LMAN2: variants seen among roughly 807,000 people sequenced by gnomAD.
The protein encoded by LMAN2 is lectin, mannose binding 2.
Under a neutral mutation model 39.3 loss-of-function variants are expected in LMAN2, and 22 were observed. The observed-to-expected ratio is 0.56, with a 90% CI of 0.40 to 0.80. The LOEUF is 0.80. LMAN2 is among the 30% of genes least tolerant of loss of function. The pLI, the probability that LMAN2 is intolerant of heterozygous loss-of-function variation, is 0.00. For missense variants in LMAN2, 494 were observed against 505.4 expected, an observed-to-expected ratio of 0.98 and a Z score of 0.22; for synonymous variants, 207 against 207.8, an observed-to-expected ratio of 1.00 and a Z score of 0.03.
intron 3 of LMAN2, among the ~76,000 whole-genome samples, 199 bp downstream of exon 3, chr5:177,338,289 C>G (rs1287694759): frequency 2.0e-5 from 3 of 152,232 alleles, no homozygotes; most frequent in African/African-American, 7.2e-5. Flanking sequence ...CTGCTCCTCT[C>G]CCCTCAGTGA....
chr5:177,336,061 T>A (rs1374866672), intron 6 of LMAN2, among the ~76,000 whole-genome samples: 1 of 152,086 alleles, frequency 6.6e-6, no homozygotes, highest in Admixed American at 6.5e-5. Flanking sequence ...CCAGAGACAA[T>A]AAAATTAATT....
intron 2 of LMAN2, among the ~76,000 whole-genome samples, chr5:177,343,196 A>G (rs1761583298): frequency 6.6e-6 from 1 of 152,214 alleles, no homozygotes; most frequent in African/African-American, 2.4e-5. Context: ...CAGAGGTTCC[A>G]GCGAGCCGAG....
At position 177,332,032 on chromosome 5, in the gene LMAN2, A is replaced by G. The variant is rs1761392427; in HGVS notation, c.*54T>C. On this transcript the variant is annotated 3_prime_UTR_variant, in exon 8 of 8. Transcript: ENST00000303127. This position sits in a 1 kb window ranked among gnomAD's most constrained non-coding sequence, Gnocchi z 6.3. ...TGTTCTTTTATAATCCCGGTAAAAA[A>G]AAAAGTTCACATTGGCTCCTGGGCC... 1 of 1,520,896 alleles carries G rather than the reference A, an allele frequency of 6.6e-7. No individual in the cohort carries two copies. The highest frequency in any genetic ancestry group is 2.2e-5 in the Admixed American group (1 of 44,716). The allele number at this position is 1,520,896 out of a possible 1,614,324, so 94.2% of individuals were successfully genotyped here.
chr5:177,337,149 G>A lies in LMAN2; in HGVS notation c.777C>T (p.Thr259=), dbSNP rs761841737. The change falls in exon 6 of 8, where the codon ACC becomes ACT. Residue 259 remains threonine, a synonymous_variant. Coordinates refer to ENST00000303127, the MANE Select transcript of LMAN2 (RefSeq NM_006816.3). The surrounding 1 kb of genome is among the most constrained non-coding windows in gnomAD (Gnocchi z 8.2). ...TGYYFGASAG[T]GDLSDNHDII... The stretch of plus-strand genomic sequence containing the variant: ...CGGCCCACTCACCAGACAGGTCGCC[G>A]GTGCCGGCGGAGGCCCCGAAGTAGT... 1.7e-5 allele frequency: 28 copies of A among 1,612,946 alleles called. No individual in the cohort carries two copies. Among genetic ancestry groups the A allele is most frequent in the African/African-American group, 1.6e-4 (12 of 74,946 alleles).
intron 2 of LMAN2, among the ~76,000 whole-genome samples, chr5:177,339,485 G>A (rs1309957720): frequency 6.6e-6 from 1 of 152,256 alleles, no homozygotes; most frequent in African/African-American, 2.4e-5. Context: ...TACGCCAAGG[G>A]AGAAAGCCTT....
At chr5:177,336,068 A>T (rs1305706052) in intron 6 of LMAN2, among the ~76,000 whole-genome samples, 1 of 152,236 alleles carries the variant, frequency 6.6e-6, no homozygotes, top group Non-Finnish European at 1.5e-5. Context: ...CAATAAAATT[A>T]ATTACTCGGT....
chr5:177,347,611 C>CAA (rs1761654601), intron 2 of LMAN2, among the ~76,000 whole-genome samples: 1 of 152,126 alleles, frequency 6.6e-6, no homozygotes, highest in African/African-American at 2.4e-5. Context: ...ATGCCTTGGT[C>CAA]CTACACCAGG....
intron 2 of LMAN2, among the ~76,000 whole-genome samples, chr5:177,343,057 T>A (rs1263943151): frequency 6.6e-6 from 1 of 151,992 alleles, no homozygotes; most frequent in African/African-American, 2.4e-5. Context: ...ATGGAGACCG[T>A]CCTGGCTAAC....
intron 2 of LMAN2, among the ~76,000 whole-genome samples, chr5:177,341,535 A>G (rs1414343614): frequency 6.6e-6 from 1 of 152,218 alleles, no homozygotes; most frequent in Non-Finnish European, 1.5e-5. Flanking sequence ...CCAGCATGGG[A>G]TTCTATACTC....
In LMAN2 at chr5:177,332,661, G is replaced by C. The variant is rs1226536522; in HGVS notation, c.911-415C>G. The stretch of plus-strand genomic sequence containing the variant: ...GCGGCCCTGGTCACAGGCTCTCCCA[G>C]CCCACAGCTGGATGCTCTCGGCAGC... On this transcript the variant is annotated intron_variant, in intron 7 of 7. Coordinates refer to ENST00000303127, the MANE Select transcript of LMAN2 (RefSeq NM_006816.3). The surrounding 1 kb of genome is among the most constrained non-coding windows in gnomAD (Gnocchi z 6.3). Among the ~76,000 whole-genome samples, 1 of 152,122 alleles carries C rather than the reference G, an allele frequency of 6.6e-6. No homozygotes were observed.
chr5:177,337,202 T>C lies in LMAN2; in HGVS notation c.724A>G (p.Ile242Val), dbSNP rs1485548543. Reference protein sequence around the residue: ...DKNEWKNCIDITGVRLPTGYY... With the variant: ...DKNEWKNCIDVTGVRLPTGYY... The stretch of plus-strand genomic sequence containing the variant: ...CCGGTGGGCAGGCGCACTCCCGTGA[T>C]GTCAATGCAGTTCTTCCACTCGTTC... The change falls in exon 6 of 8, where the codon ATC becomes GTC. Residue 242 changes from isoleucine to valine, a missense_variant. By Grantham distance (29) the Ile-to-Val change is conservative. Coordinates refer to ENST00000303127, the MANE Select transcript of LMAN2 (RefSeq NM_006816.3). The surrounding 1 kb of genome is among the most constrained non-coding windows in gnomAD (Gnocchi z 8.2). 2 of 1,613,910 alleles carry C rather than the reference T, an allele frequency of 1.2e-6. No individual in the cohort carries two copies. Among genetic ancestry groups the C allele is most frequent in the African/African-American group, 1.3e-5 (1 of 74,914 alleles).
chr5:177,335,049 G>A (rs1301501459), intron 6 of LMAN2, among the ~76,000 whole-genome samples: 1 of 152,230 alleles, frequency 6.6e-6, no homozygotes, highest in African/African-American at 2.4e-5. Flanking sequence ...CCCAATTGTA[G>A]AGATGAGGAG....
chr5:177,341,361 C>A (rs576934502), intron 2 of LMAN2, among the ~76,000 whole-genome samples: 5 of 151,808 alleles, frequency 3.3e-5, no homozygotes, highest in African/African-American at 1.2e-4. Context: ...CCACCGCGCC[C>A]GGCCATAAAA....
Position 177,351,608 on chromosome 5 carries a change from G to C in LMAN2, c.40C>G (p.Arg14Gly), listed in dbSNP as rs773231554. The C allele has an allele frequency of 6.2e-7, 1 of 1,608,810 alleles. No homozygotes were observed. The highest frequency in any genetic ancestry group is 8.5e-7 in the Non-Finnish European group (1 of 1,178,324). ...EGWIWRWGWG[R>G]RCLGRPGLLG... ...AGCCCAGGCCTTCCCAGGCACCGCC[G>C]GCCCCAGCCCCAACGCCAAATCCAG... Residue 14 changes from arginine (R) to glycine (G), a missense_variant, in exon 1 of 8, where the codon CGG (arginine) becomes GGG (glycine). Arg to Gly is a moderately radical substitution (Grantham distance 125, BLOSUM62 -2). Coordinates refer to ENST00000303127, the MANE Select transcript of LMAN2 (RefSeq NM_006816.3).
At chr5:177,333,892 C>T (rs1489105508) in intron 7 of LMAN2, among the ~76,000 whole-genome samples, 1 of 152,198 alleles carries the variant, frequency 6.6e-6, no homozygotes, top group Non-Finnish European at 1.5e-5. Context: ...ACAGGTGGGC[C>T]AACATACCCA....
intron 1 of LMAN2, 52 bp from the exon 2 acceptor site, chr5:177,351,343 A>T (rs920064714): frequency 3.1e-6 from 5 of 1,609,330 alleles, no homozygotes; most frequent in Non-Finnish European, 3.4e-6. Context: ...GCCTCACCAG[A>T]GGCAGGAAAC....
Position 177,332,324 on chromosome 5 carries a change from G to A in LMAN2, c.911-78C>T. ...GGGGCTGCAGGAGGGCAGTGGGGAT[G>A]GAACAGGACAGCCGGCCACGGTGGG... On this transcript the variant is annotated intron_variant, in intron 7 of 7. Transcript: ENST00000303127. The surrounding 1 kb of genome is among the most constrained non-coding windows in gnomAD (Gnocchi z 6.3). 7.2e-7 allele frequency: 1 copy of A among 1,380,180 alleles called. No individual in the cohort carries two copies. Among genetic ancestry groups the A allele is most frequent in the Non-Finnish European group, 1.0e-6 (1 of 996,904 alleles). 85.5% of individuals were successfully genotyped at this position (1,380,180 alleles called of 1,614,324 possible).
intron 2 of LMAN2, among the ~76,000 whole-genome samples, chr5:177,342,026 G>A (rs1339498334): frequency 6.6e-6 from 1 of 152,016 alleles, no homozygotes; most frequent in African/African-American, 2.4e-5. Context: ...AAAATGAACA[G>A]AGAATAGGCA....
At chr5:177,349,792 C>A (rs1391206579) in intron 2 of LMAN2, among the ~76,000 whole-genome samples, 2 of 152,094 alleles carry the variant, frequency 1.3e-5, no homozygotes, top group African/African-American at 4.8e-5. Context: ...AGCCCTAAGA[C>A]AGAATGTGAC....
Sources: allele counts gnomAD v4.1 joint callset (sites outside exome capture counted in the v4.1 genomes callset), GRCh38; gene constraint gnomAD v4.1.1; non-coding constraint Gnocchi (gnomAD v3.1); transcripts MANE v1.5; gene names NCBI Gene and HGNC (gene_info 2026-07-23, HGNC 2026-07-21).